The following FZD3 variants were observed in gnomAD, a reference collection of about 807,000 sequenced individuals.
FZD3 encodes the protein frizzled-3.
A neutral mutation model predicts 60.7 loss-of-function variants in FZD3; 30 were observed. The ratio of observed to expected loss-of-function variants is 0.49; its 90% CI spans 0.37 to 0.67. FZD3 has a LOEUF of 0.67. FZD3 is among the 30% of genes least tolerant of loss of function. The pLI, the probability that FZD3 is intolerant of heterozygous loss-of-function variation, is 0.00. For missense variants in FZD3, 605 were observed against 838.7 expected, an observed-to-expected ratio of 0.72 and a Z score of 3.44; for synonymous variants, 246 against 275.2, an observed-to-expected ratio of 0.89 and a Z score of 1.05.
chr8:28,528,407 T>A (rs1804775744), intron 5 of FZD3, among the ~76,000 whole-genome samples: 1 of 151,796 alleles, frequency 6.6e-6, no homozygotes, highest in African/African-American at 2.4e-5. Context: ...AGTGTACGTC[T>A]GTTGGTGATT....
rs138236616 is a variant in FZD3 at position 28,552,215 on chromosome 8, A to G, written c.1553+464A>G. On this transcript the variant is annotated intron_variant, in intron 6 of 7. Coordinates refer to ENST00000240093, the MANE Select transcript of FZD3 (RefSeq NM_017412.4). ...AAGAGCTAGATAAACTTCTGTCTCC[A>G]GTTGTCCATTGTTCTTCCAAGTGTA... 5.1e-3 allele frequency among the ~76,000 whole-genome samples: 772 copies of G among 152,326 alleles called. 4 individuals are homozygous for G. The highest frequency in any genetic ancestry group is 0.016 in the African/African-American group (648 of 41,574).
intron 5 of FZD3, among the ~76,000 whole-genome samples, chr8:28,533,527 G>A (rs1051519858): frequency 6.6e-6 from 1 of 152,036 alleles, no homozygotes; most frequent in Non-Finnish European, 1.5e-5. Flanking sequence ...TAACCAGGTT[G>A]GTCATTCACA....
rs1554530328 is a variant in FZD3 at position 28,494,306 on chromosome 8, G to GCGC, written c.-427_-426insGCC. On this transcript the variant is annotated 5_prime_UTR_variant, in exon 1 of 8. Coordinates refer to ENST00000240093, the MANE Select transcript of FZD3 (RefSeq NM_017412.4). Reference sequence around the variant, plus strand: ...GCGGCCGCCCGCGGCAGGCGGTGCAGCCCCCCCACCCCTTGGAGCCAGGCG... The same window carrying GCGC: ...GCGGCCGCCCGCGGCAGGCGGTGCAGCGCCCCCCCCACCCCTTGGAGCCAGGCG... 1.8e-4 allele frequency: 28 copies of GCGC among 151,460 alleles called. No homozygotes were observed. Among genetic ancestry groups the GCGC allele is most frequent in the African/African-American group, 5.6e-4 (23 of 41,350 alleles). 9.4% of individuals were successfully genotyped at this position (151,460 alleles called of 1,614,324 possible). A position where few individuals can be genotyped will look rare whatever the true frequency, so the allele number is the denominator to read the frequency against.
Position 28,549,998 on chromosome 8 carries a change from G to A in FZD3, c.1405-1605G>A, listed in dbSNP as rs1481527797. 3.3e-5 allele frequency among the ~76,000 whole-genome samples: 5 copies of A among 152,010 alleles called. No individual in the cohort carries two copies. In the East Asian group the frequency reaches 7.7e-4, roughly 23 times the overall value. ...ACATAAATAAATAAGTTTCTTTATG[G>A]AGGCTTTGTTAAGTACAATTTTATG... On this transcript the variant is annotated intron_variant, in intron 5 of 7. Transcript: ENST00000240093.
chr8:28,503,227 G>C, intron 3 of FZD3, 25 bp downstream of exon 3: 2 of 1,476,130 alleles, frequency 1.4e-6, no homozygotes, highest in South Asian at 1.2e-5. Context: ...ATTCTTTGAC[G>C]TATCTTAGTA....
chr8:28,515,975 G>A (rs1351619663), intron 3 of FZD3, among the ~76,000 whole-genome samples: 1 of 152,092 alleles, frequency 6.6e-6, no homozygotes, highest in Non-Finnish European at 1.5e-5. Context: ...AGAAACCACT[G>A]CTAAATCCAA....
intron 1 of FZD3, among the ~76,000 whole-genome samples, chr8:28,496,765 A>G (rs920399959): frequency 6.6e-6 from 1 of 152,176 alleles, no homozygotes; most frequent in Non-Finnish European, 1.5e-5. Context: ...TGGTATATTC[A>G]AGGAGTGTAT....
intron 5 of FZD3, among the ~76,000 whole-genome samples, chr8:28,531,961 C>G (rs533280795): frequency 5.9e-5 from 9 of 152,254 alleles, no homozygotes; most frequent in East Asian, 5.8e-4. Flanking sequence ...TTTTTTCTAG[C>G]AGTTTCTACA....
intron 3 of FZD3, among the ~76,000 whole-genome samples, chr8:28,514,222 T>C (rs973906406): frequency 6.6e-6 from 1 of 152,208 alleles, no homozygotes; most frequent in African/African-American, 2.4e-5. Flanking sequence ...AGAGCTTTCA[T>C]AGTATTTCTT....
At chr8:28,540,278 G>T (rs150596120) in intron 5 of FZD3, among the ~76,000 whole-genome samples, 2 of 152,126 alleles carry the variant, frequency 1.3e-5, no homozygotes. Context: ...TACCCAGGCT[G>T]GAGTGCAATG....
At chr8:28,517,449 C>A (rs1397790120) in intron 3 of FZD3, among the ~76,000 whole-genome samples, 2 of 152,228 alleles carry the variant, frequency 1.3e-5, no homozygotes, top group African/African-American at 4.8e-5. Flanking sequence ...CACAACTTCT[C>A]AAATCTGTAA....
At chr8:28,547,138 C>T (rs761631279) in intron 5 of FZD3, among the ~76,000 whole-genome samples, 54 of 152,102 alleles carry the variant, frequency 3.6e-4, no homozygotes, top group Non-Finnish European at 5.6e-4. Context: ...GTTATGTTCA[C>T]GCGTGTACAA....
rs760436807 is a variant in FZD3 at position 28,565,481 on chromosome 8, G to A, written c.*2470G>A. 1.8e-4 allele frequency: 28 copies of A among 152,026 alleles called. No individual in the cohort carries two copies. The highest frequency in any genetic ancestry group is 3.7e-4 in the Non-Finnish European group (25 of 67,968). 9.4% of individuals were successfully genotyped at this position (152,026 alleles called of 1,614,324 possible). A position where few individuals can be genotyped will look rare whatever the true frequency, so the allele number is the denominator to read the frequency against. On this transcript the variant is annotated 3_prime_UTR_variant, in exon 8 of 8. Coordinates refer to ENST00000240093, the MANE Select transcript of FZD3 (RefSeq NM_017412.4). ...AGTTAAAATAGAAGGTACCAGTTTG[G>A]GCTCGAAGATGTTGTCATCCATTGC...
rs1010569532 is a variant in FZD3 at position 28,565,472 on chromosome 8, A to G, written c.*2461A>G. 2.2e-4 allele frequency: 33 copies of G among 152,348 alleles called. No homozygotes were observed. The highest frequency in any genetic ancestry group is 7.9e-4 in the African/African-American group (33 of 41,594). 9.4% of individuals were successfully genotyped at this position (152,348 alleles called of 1,614,324 possible). On this transcript the variant is annotated 3_prime_UTR_variant, in exon 8 of 8. Coordinates refer to ENST00000240093, the MANE Select transcript of FZD3 (RefSeq NM_017412.4). ...ACAAAAATAAGTTAAAATAGAAGGT[A>G]CCAGTTTGGGCTCGAAGATGTTGTC...
At chr8:28,544,539 A>G (rs1347412736) in intron 5 of FZD3, among the ~76,000 whole-genome samples, 1 of 152,248 alleles carries the variant, frequency 6.6e-6, no homozygotes, top group Non-Finnish European at 1.5e-5. Flanking sequence ...ATCATAATAT[A>G]AATTTACATT....
intron 6 of FZD3, among the ~76,000 whole-genome samples, chr8:28,552,671 AT>A (rs199584818): frequency 0.011 from 1,629 of 152,160 alleles, 20 homozygotes; most frequent in Non-Finnish European, 0.011. Context: ...GGTTAATGTC[AT>A]TTTCTTATAC....
intron 5 of FZD3, among the ~76,000 whole-genome samples, chr8:28,537,994 G>A (rs1805062565): frequency 6.6e-6 from 1 of 151,904 alleles, no homozygotes; most frequent in South Asian, 2.1e-4. Flanking sequence ...GCGGGCGCCT[G>A]TAATCCCAGC....
At position 28,561,951 on chromosome 8, in the gene FZD3, G is replaced by A. The variant is rs74438398; in HGVS notation, c.1788-847G>A. 4.8e-3 allele frequency among the ~76,000 whole-genome samples: 734 copies of A among 152,186 alleles called. 28 individuals carry two copies. The East Asian group carries it at 0.093, about 19-fold the overall frequency. On this transcript the variant is annotated intron_variant, in intron 7 of 7. Coordinates refer to ENST00000240093, the MANE Select transcript of FZD3 (RefSeq NM_017412.4). ...CCTAGAGCTAATCTCATTCCTCATG[G>A]CAAAGCTCAGTGAGTCAGGACTGCA...
intron 4 of FZD3, among the ~76,000 whole-genome samples, chr8:28,524,386 C>T (rs1477085577): frequency 6.6e-6 from 1 of 152,172 alleles, no homozygotes; most frequent in Non-Finnish European, 1.5e-5. Context: ...GAAATTACAG[C>T]AGTTGTATTT....
Sources: allele counts gnomAD v4.1 joint callset (sites outside exome capture counted in the v4.1 genomes callset), GRCh38; gene constraint gnomAD v4.1.1; transcripts MANE v1.5; gene names NCBI Gene and HGNC (gene_info 2026-07-23, HGNC 2026-07-21).